Variants in RNF214 observed in about 807,000 individuals in gnomAD.
RNF214 encodes the protein ring finger protein 214.
A neutral mutation model predicts 75.9 loss-of-function variants in RNF214; 25 were observed. The observed-to-expected ratio is 0.33, with a 90% CI of 0.24 to 0.46. The LOEUF (loss-of-function observed/expected upper bound fraction) is 0.46. Among genes scored for constraint, RNF214 ranks in the 20% least tolerant of loss-of-function variants. The pLI is 1.00. For synonymous variants in RNF214, 314 were observed against 308.8 expected, an observed-to-expected ratio of 1.02 and a Z score of -0.18; for missense variants, 725 against 857.5, an observed-to-expected ratio of 0.85 and a Z score of 1.93.
chr11:117,281,709 G>A lies in RNF214; in HGVS notation c.1335+11G>A. 6.3e-7 allele frequency: 1 copy of A among 1,596,348 alleles called. No individual in the cohort carries two copies. The highest frequency in any genetic ancestry group is 8.6e-7 in the Non-Finnish European group (1 of 1,164,176). On this transcript the variant is annotated intron_variant, in intron 10 of 14. Transcript: ENST00000300650. ...CCACCCCCATCAGAGGTAAGAGAGT[G>A]GCTTTGGGGGGAAGTTCACCTTTCT...
chr11:117,269,134 G>A (rs1400681945), intron 6 of RNF214, among the ~76,000 whole-genome samples: 3 of 152,170 alleles, frequency 2.0e-5, no homozygotes, highest in African/African-American at 7.2e-5. Flanking sequence ...GCTGGGTGCA[G>A]TTGCTCATGC....
At chr11:117,266,504 C>T (rs1329313875) in intron 6 of RNF214, among the ~76,000 whole-genome samples, 3 of 152,064 alleles carry the variant, frequency 2.0e-5, no homozygotes, top group Admixed American at 6.6e-5. Context: ...GGACCACAGG[C>T]GTGCACCACC....
intron 6 of RNF214, among the ~76,000 whole-genome samples, chr11:117,251,018 C>G (rs1158035582): frequency 6.7e-6 from 1 of 148,928 alleles, no homozygotes. Context: ...CTACCTCTTT[C>G]TACACAGACA....
At position 117,239,874 on chromosome 11, in the gene RNF214, C is replaced by CT. The variant is rs1307267364; in HGVS notation, c.678+15dup. 7.2e-7 allele frequency: 1 copy of CT among 1,381,814 alleles called. No homozygotes were observed. Among genetic ancestry groups the CT allele is most frequent in the Non-Finnish European group, 1.0e-6 (1 of 969,450 alleles). The allele number at this position is 1,381,814 out of a possible 1,614,324, so 85.6% of individuals were successfully genotyped here. On this transcript the variant is annotated intron_variant, in intron 4 of 14. Coordinates refer to ENST00000300650, the MANE Select transcript of RNF214 (RefSeq NM_207343.4). ...GAAAAGAATTTGGTAAGTATTTAAA[C>CT]TGTCCTTGTTATATGAAGCCATTAT...
At chr11:117,233,573 T>A (rs1170740609) in intron 1 of RNF214, among the ~76,000 whole-genome samples, 1 of 152,238 alleles carries the variant, frequency 6.6e-6, no homozygotes, top group Non-Finnish European at 1.5e-5. Flanking sequence ...TTTTGATTTT[T>A]AAAAAAGGCG....
intron 6 of RNF214, among the ~76,000 whole-genome samples, chr11:117,272,532 C>A (rs2033934350): frequency 7.9e-6 from 1 of 126,988 alleles, no homozygotes; most frequent in Admixed American, 7.4e-5. Flanking sequence ...TGGAGCAAAC[C>A]ACCATGGCAC....
intron 1 of RNF214, among the ~76,000 whole-genome samples, 188 bp from the exon 2 acceptor site, chr11:117,234,079 C>T (rs1427124039): frequency 1.3e-5 from 2 of 152,184 alleles, no homozygotes; most frequent in African/African-American, 4.8e-5. Flanking sequence ...AGGATTGCTG[C>T]CCACTAGGAC....
At chr11:117,280,439 C>T (rs1282604168) in intron 8 of RNF214, among the ~76,000 whole-genome samples, 180 bp downstream of exon 8, 1 of 152,192 alleles carries the variant, frequency 6.6e-6, no homozygotes, top group South Asian at 2.1e-4. Context: ...TTCTAAAGTT[C>T]TGTACTGTAA....
At chr11:117,282,682 T>C in intron 12 of RNF214, 64 bp from the exon 13 acceptor site, 1 of 1,557,688 alleles carries the variant, frequency 6.4e-7, no homozygotes, top group African/African-American at 1.4e-5. Flanking sequence ...AAATAAGTGA[T>C]TTTTGTGATA....
intron 6 of RNF214, among the ~76,000 whole-genome samples, chr11:117,251,240 GGGGC>G (rs2033374569): frequency 4.5e-5 from 1 of 22,152 alleles, no homozygotes; most frequent in African/African-American, 1.4e-4. Flanking sequence ...GGCCGGGCGG[GGGGC>G]TGACCCCGCT....
At chr11:117,284,871 A>T (rs1279972000) in intron 14 of RNF214, among the ~76,000 whole-genome samples, 1 of 152,208 alleles carries the variant, frequency 6.6e-6, no homozygotes, top group African/African-American at 2.4e-5. Flanking sequence ...CAGAGGTTCC[A>T]GTGAGCTGAG....
intron 6 of RNF214, 60 bp downstream of exon 6, chr11:117,247,008 C>A (rs1038452323): frequency 8.1e-5 from 105 of 1,292,062 alleles, no homozygotes; most frequent in Admixed American, 3.6e-4. Context: ...GGGGCCAGAC[C>A]CGTTTGTATT....
chr11:117,259,049 C>T (rs541265939), intron 6 of RNF214, among the ~76,000 whole-genome samples: 61 of 152,220 alleles, frequency 4.0e-4, no homozygotes, highest in African/African-American at 1.4e-3. Flanking sequence ...CTCCGCCTGC[C>T]GGGTTTGAGC....
intron 6 of RNF214, among the ~76,000 whole-genome samples, chr11:117,262,874 A>G (rs2033699226): frequency 6.6e-6 from 1 of 152,110 alleles, no homozygotes; most frequent in South Asian, 2.1e-4. Flanking sequence ...CAGTGGCACA[A>G]TCATGGCTCA....
chr11:117,260,656 T>C (rs543687894), intron 6 of RNF214, among the ~76,000 whole-genome samples: 1 of 148,980 alleles, frequency 6.7e-6, no homozygotes, highest in East Asian at 2.1e-4. Flanking sequence ...TTTTTCTTTT[T>C]CCTTTTTTAT....
chr11:117,277,923 A>G (rs1394998431), intron 6 of RNF214, among the ~76,000 whole-genome samples: 1 of 151,712 alleles, frequency 6.6e-6, no homozygotes, highest in African/African-American at 2.4e-5. Flanking sequence ...GCAGTGAGCC[A>G]AGATTGTGTC....
intron 1 of RNF214, among the ~76,000 whole-genome samples, chr11:117,233,179 C>T (rs2032775182): frequency 6.6e-6 from 1 of 152,220 alleles, no homozygotes; most frequent in Admixed American, 6.5e-5. Flanking sequence ...TCTCTAGCCA[C>T]GGAGTTGCAT....
chr11:117,274,423 C>T (rs894286683), intron 6 of RNF214, among the ~76,000 whole-genome samples: 1 of 128,508 alleles, frequency 7.8e-6, no homozygotes. Context: ...AGTGCAATGG[C>T]ACAATCTTGG....
chr11:117,285,017 T>C (rs2034223000), intron 14 of RNF214, 69 bp from the exon 15 acceptor site: 5 of 1,123,156 alleles, frequency 4.5e-6, no homozygotes, highest in South Asian at 1.3e-5. Flanking sequence ...TTGAACCTTA[T>C]TGGCATTCTC....
Sources: allele counts gnomAD v4.1 joint callset (sites outside exome capture counted in the v4.1 genomes callset), GRCh38; gene constraint gnomAD v4.1.1; transcripts MANE v1.5; gene names NCBI Gene and HGNC (gene_info 2026-07-23, HGNC 2026-07-21).